KIF26B: variants seen among roughly 807,000 people sequenced by gnomAD.
KIF26B encodes the protein kinesin-like protein KIF26B.
In KIF26B, 63 loss-of-function variants were observed where a neutral mutation model predicts 151.2. The observed-to-expected ratio is 0.42, with a 90% CI of 0.34 to 0.51. The LOEUF (loss-of-function observed/expected upper bound fraction) is 0.51, where lower values mean the gene tolerates loss of function less well. KIF26B is among the 20% of genes least tolerant of loss of function. The pLI, the probability that KIF26B is intolerant of heterozygous loss-of-function variation, is 0.07. For missense variants in KIF26B, 2,813 were observed against 2,913.6 expected, an observed-to-expected ratio of 0.97 and a Z score of 0.79; for synonymous variants, 1,357 against 1,262.1, an observed-to-expected ratio of 1.08 and a Z score of -1.59.
At chr1:245,663,457 T>G (rs1262939287) in intron 10 of KIF26B, among the ~76,000 whole-genome samples, 2 of 152,174 alleles carry the variant, frequency 1.3e-5, no homozygotes, top group Non-Finnish European at 2.9e-5. Flanking sequence ...TTTTGTTGTT[T>G]ATTTGTGATC....
chr1:245,188,125 C>T (rs1669032166), intron 2 of KIF26B, among the ~76,000 whole-genome samples: 1 of 151,856 alleles, frequency 6.6e-6, no homozygotes, highest in Admixed American at 6.6e-5. Flanking sequence ...ACTAAAAATA[C>T]AAAAATTAGC....
intron 3 of KIF26B, among the ~76,000 whole-genome samples, chr1:245,403,112 GTGT>G (rs1674046675): frequency 6.6e-6 from 1 of 152,134 alleles, no homozygotes; most frequent in African/African-American, 2.4e-5. Flanking sequence ...GGGACTACAG[GTGT>G]GCACCACCAT....
chr1:245,689,504 C>T (rs969968270), intron 12 of KIF26B, among the ~76,000 whole-genome samples: 5 of 152,228 alleles, frequency 3.3e-5, no homozygotes, highest in Non-Finnish European at 5.9e-5. Context: ...CAGTGCCCCC[C>T]GCCACACACA....
chr1:245,697,986 A>G, intron 12 of KIF26B, 120 bp from the exon 13 acceptor site: 1 of 839,320 alleles, frequency 1.2e-6, no homozygotes. Context: ...GGCTGCAGTG[A>G]GCTATGGATC....
intron 2 of KIF26B, among the ~76,000 whole-genome samples, chr1:245,346,394 C>T (rs1672458078): frequency 6.6e-6 from 1 of 152,180 alleles, no homozygotes; most frequent in Non-Finnish European, 1.5e-5. Context: ...CATCACTGCT[C>T]CATGATCATC....
chr1:245,644,871 G>C (rs545162577), intron 9 of KIF26B, among the ~76,000 whole-genome samples: 1 of 152,168 alleles, frequency 6.6e-6, no homozygotes, highest in Non-Finnish European at 1.5e-5. Flanking sequence ...TTTATAAAGA[G>C]GCTTATTCTG....
At chr1:245,450,580 T>C (rs1296918485) in intron 4 of KIF26B, among the ~76,000 whole-genome samples, 1 of 152,252 alleles carries the variant, frequency 6.6e-6, no homozygotes, top group Non-Finnish European at 1.5e-5. Flanking sequence ...CATTCATTGT[T>C]GGTGCCTTTG....
At chr1:245,666,277 T>C (rs1331985476) in intron 10 of KIF26B, among the ~76,000 whole-genome samples, 1 of 152,220 alleles carries the variant, frequency 6.6e-6, no homozygotes, top group Non-Finnish European at 1.5e-5. Flanking sequence ...CATAACCTCA[T>C]ATGTTCCTAG....
At chr1:245,389,733 A>C (rs1445134951) in intron 3 of KIF26B, among the ~76,000 whole-genome samples, 1 of 152,198 alleles carries the variant, frequency 6.6e-6, no homozygotes, top group Non-Finnish European at 1.5e-5. Flanking sequence ...TTAGTTTTTA[A>C]ATTAAATGGT....
rs574232919 is a variant in KIF26B, at chr1:245,689,050, C to T, written c.5824+243C>T. Among the ~76,000 whole-genome samples, 47 of 152,302 alleles carry T rather than the reference C, an allele frequency of 3.1e-4. 1 individual carries two copies. The highest frequency in any genetic ancestry group is 6.5e-4 in the Admixed American group (10 of 15,310). ...CCGCGGGGCTCCGCCGGGGACATCA[C>T]CGCGGAGGGTTTCTCTGTGAGAAAC... On this transcript the variant is annotated intron_variant, in intron 12 of 14. Coordinates refer to ENST00000407071, the MANE Select transcript of KIF26B (RefSeq NM_018012.4).
intron 2 of KIF26B, among the ~76,000 whole-genome samples, chr1:245,172,933 G>C (rs944191994): frequency 2.0e-5 from 3 of 152,216 alleles, no homozygotes; most frequent in South Asian, 2.1e-4. Flanking sequence ...TAATACATCA[G>C]TATAGCAGTA....
At chr1:245,662,741 A>G (rs1465027641) in intron 10 of KIF26B, among the ~76,000 whole-genome samples, 1 of 151,200 alleles carries the variant, frequency 6.6e-6, no homozygotes, top group Non-Finnish European at 1.5e-5. Context: ...ATATGCATAT[A>G]TACCCAATGA....
intron 4 of KIF26B, among the ~76,000 whole-genome samples, chr1:245,520,512 TCATCCATCCATC>T (rs72448876): frequency 1.3e-5 from 2 of 149,578 alleles, no homozygotes; most frequent in Non-Finnish European, 1.5e-5. Flanking sequence ...CACAATCTAT[TCATCCATCCATC>T]CATCCATCCA....
At chr1:245,548,747 T>G (rs1661808840) in intron 5 of KIF26B, among the ~76,000 whole-genome samples, 1 of 145,188 alleles carries the variant, frequency 6.9e-6, no homozygotes, top group African/African-American at 2.5e-5. Flanking sequence ...TTTTGCAACT[T>G]TTTTTTTTTT....
chr1:245,502,362 A>C (rs1660638186), intron 4 of KIF26B, among the ~76,000 whole-genome samples: 1 of 152,092 alleles, frequency 6.6e-6, no homozygotes. Context: ...CCCTGTCTCT[A>C]CTAAAAATAC....
intron 12 of KIF26B, among the ~76,000 whole-genome samples, chr1:245,692,953 G>T (rs775909163): frequency 1.3e-5 from 2 of 152,184 alleles, no homozygotes; most frequent in Non-Finnish European, 2.9e-5. Flanking sequence ...AGCAGCTGAG[G>T]ATGTCAATCT....
At chr1:245,179,795 C>T (rs1668872484) in intron 2 of KIF26B, among the ~76,000 whole-genome samples, 1 of 152,182 alleles carries the variant, frequency 6.6e-6, no homozygotes, top group African/African-American at 2.4e-5. Flanking sequence ...CAGGGGTGGA[C>T]CTTTCATCTG....
Position 245,419,670 on chromosome 1 carries a change from T to C in KIF26B, c.1091T>C (p.Val364Ala), listed in dbSNP as rs1658425405. 18 of 1,613,894 alleles carry C rather than the reference T, an allele frequency of 1.1e-5. No individual in the cohort carries two copies. Among genetic ancestry groups the C allele is most frequent in the Non-Finnish European group, 1.5e-5 (18 of 1,179,820 alleles). The change falls in exon 4 of 15, where the codon GTC becomes GCC. Residue 364 changes from valine (V) to alanine (A), a missense_variant. Transcript: ENST00000407071. Reference sequence around the variant, plus strand: ...GCAGACAAGCCTTCCGCCTGCAGTGTCCCAGCCTCGCAGGGCTCCTGCGTG... The same window carrying C: ...GCAGACAAGCCTTCCGCCTGCAGTGCCCCAGCCTCGCAGGGCTCCTGCGTG... ...YNADKPSACS[V>A]PASQGSCVAS...
rs1389215248 is a variant in KIF26B at position 245,170,987 on chromosome 1, G to C, written c.465+14304G>C. 6.6e-6 allele frequency among the ~76,000 whole-genome samples: 1 copy of C among 152,224 alleles called. No homozygotes were observed. Among genetic ancestry groups the C allele is most frequent in the East Asian group, 1.9e-4 (1 of 5,198 alleles). ...TAACATGTGATTACATCCCAATGGAGTTGGGCATGAGAATAAGAAAGAAAT... is the reference window on the plus strand; with the variant it reads ...TAACATGTGATTACATCCCAATGGACTTGGGCATGAGAATAAGAAAGAAAT... On this transcript the variant is annotated intron_variant, in intron 2 of 14. Coordinates refer to ENST00000407071, the MANE Select transcript of KIF26B (RefSeq NM_018012.4). The surrounding 1 kb of genome is among the most constrained non-coding windows in gnomAD (Gnocchi z 4.4).
Sources: allele counts gnomAD v4.1 joint callset (sites outside exome capture counted in the v4.1 genomes callset), GRCh38; gene constraint gnomAD v4.1.1; non-coding constraint Gnocchi (gnomAD v3.1); transcripts MANE v1.5; gene names NCBI Gene and HGNC (gene_info 2026-07-23, HGNC 2026-07-21).